Variants in NARS2 observed in about 807,000 individuals in gnomAD.
The protein encoded by NARS2 is asparaginyl-tRNA synthetase.
In NARS2, 60 loss-of-function variants were observed where a neutral mutation model predicts 62.9. The ratio of observed to expected loss-of-function variants is 0.95; its 90% confidence interval spans 0.77 to 1.18. The LOEUF is 1.18. Among genes scored for constraint, NARS2 ranks in the 50% most tolerant of loss-of-function variants. The pLI is 0.00. For synonymous variants in NARS2, 196 were observed against 200.0 expected (o/e 0.98, Z 0.17); for missense variants, 619 against 576.4 (o/e 1.07, Z -0.76).
At chr11:78,534,267 C>G (rs1276275912) in intron 5 of NARS2, among the ~76,000 whole-genome samples, 3 of 152,200 alleles carry the variant, frequency 2.0e-5, no homozygotes, top group African/African-American at 4.8e-5. Context: ...ATCTGCTGCT[C>G]CACATCCTTG....
intron 7 of NARS2, among the ~76,000 whole-genome samples, chr11:78,479,410 G>A (rs1591180195): frequency 6.6e-6 from 1 of 152,148 alleles, no homozygotes; most frequent in African/African-American, 2.4e-5. Context: ...TCAGGAGGCT[G>A]AGTTGGGAGG....
chr11:78,486,815 G>C (rs905011534), intron 7 of NARS2, among the ~76,000 whole-genome samples: 2 of 152,098 alleles, frequency 1.3e-5, no homozygotes, highest in Non-Finnish European at 2.9e-5. Flanking sequence ...GGAATTATCT[G>C]ACAATTTGAT....
intron 3 of NARS2, among the ~76,000 whole-genome samples, chr11:78,567,039 T>C (rs576572147): frequency 6.6e-6 from 1 of 152,280 alleles, no homozygotes; most frequent in African/African-American, 2.4e-5. Flanking sequence ...AAAGTGAAAA[T>C]GTGACCATAT....
intron 5 of NARS2, among the ~76,000 whole-genome samples, chr11:78,544,795 CAAAAAAAAAAA>C (rs35180232): frequency 4.7e-5 from 3 of 63,260 alleles, no homozygotes; most frequent in African/African-American, 1.2e-4. Flanking sequence ...CTCCGTCTCA[CAAAAAAAAAAA>C]AAAAAAAAAA....
At position 78,486,194 on chromosome 11, in the gene NARS2, T is replaced by C. The variant is rs534480151; in HGVS notation, c.822+6869A>G. On this transcript the variant is annotated intron_variant, in intron 7 of 13. Coordinates refer to ENST00000281038, the MANE Select transcript of NARS2 (RefSeq NM_024678.6). ...CCAGCCTATTATTTTTTTTTAAATA[T>C]TTTCTCTTGTCAGTTAGACCCAATG... Among the ~76,000 whole-genome samples, 3 of 152,096 alleles carry C rather than the reference T, an allele frequency of 2.0e-5. No homozygotes were observed. The South Asian group carries it at 6.2e-4, about 32-fold the overall frequency.
chr11:78,548,742 G>T (rs562165547), intron 5 of NARS2, among the ~76,000 whole-genome samples: 8 of 152,100 alleles, frequency 5.3e-5, no homozygotes, highest in Non-Finnish European at 1.2e-4. Flanking sequence ...ACATGACAGT[G>T]TGGGGAGCTC....
chr11:78,525,620 T>C (rs543713992), intron 6 of NARS2, among the ~76,000 whole-genome samples: 2 of 152,136 alleles, frequency 1.3e-5, no homozygotes, highest in African/African-American at 4.8e-5. Context: ...AATTTTCATA[T>C]AGAATTCCAA....
intron 5 of NARS2, among the ~76,000 whole-genome samples, chr11:78,547,814 G>C (rs1407779192): frequency 1.3e-5 from 2 of 152,184 alleles, no homozygotes; most frequent in Non-Finnish European, 2.9e-5. Flanking sequence ...AAGTATTTAA[G>C]TGTTCCAGGT....
intron 11 of NARS2, among the ~76,000 whole-genome samples, chr11:78,449,658 C>T (rs185941765): frequency 4.9e-4 from 75 of 152,178 alleles, no homozygotes; most frequent in African/African-American, 1.6e-3. Flanking sequence ...AACCAGGTTT[C>T]TCAATCTCAA....
At chr11:78,547,657 A>C (rs757822651) in intron 5 of NARS2, among the ~76,000 whole-genome samples, 17 of 152,024 alleles carry the variant, frequency 1.1e-4, no homozygotes, top group Admixed American at 3.3e-4. Context: ...AAATGGCAAA[A>C]CTCTGACTCT....
At chr11:78,547,685 T>C (rs1026902944) in intron 5 of NARS2, among the ~76,000 whole-genome samples, 7 of 152,140 alleles carry the variant, frequency 4.6e-5, no homozygotes, top group African/African-American at 1.7e-4. Context: ...ACACAAAAAT[T>C]AGCTGGGTGT....
rs188340127 is a variant in NARS2, at chr11:78,443,243, G to A, written c.1262+418C>T. ...TGGGAGGCTGAGGCAGGAGAATGGC[G>A]TGAACCCCGGGAGGCAGAGCTTGCA... On this transcript the variant is annotated intron_variant, in intron 12 of 13. Coordinates refer to ENST00000281038, the MANE Select transcript of NARS2 (RefSeq NM_024678.6). Among the ~76,000 whole-genome samples the A allele has an allele frequency of 5.1e-3, 770 of 150,854 alleles. 4 individuals are homozygous for A. Among genetic ancestry groups the A allele is most frequent in the African/African-American group, 0.018 (741 of 40,886 alleles).
intron 5 of NARS2, among the ~76,000 whole-genome samples, chr11:78,543,555 T>C (rs1448826591): frequency 6.6e-6 from 1 of 152,126 alleles, no homozygotes. Context: ...TAATTAGCAA[T>C]GGAAATAACC....
intron 11 of NARS2, among the ~76,000 whole-genome samples, chr11:78,447,841 G>A (rs1857816661): frequency 6.6e-6 from 1 of 152,124 alleles, no homozygotes; most frequent in African/African-American, 2.4e-5. Context: ...ACCAGAGGCT[G>A]GAGTGGGAAG....
At chr11:78,574,271 T>C in intron 1 of NARS2, 77 bp downstream of exon 1, 1 of 1,589,052 alleles carries the variant, frequency 6.3e-7, no homozygotes, top group South Asian at 1.1e-5. Context: ...GACCCGACTG[T>C]AAAAGAAAAG....
chr11:78,574,816 C>A lies in NARS2; in HGVS notation c.-328G>T, dbSNP rs1327161254. The A allele has an allele frequency of 6.7e-6, 2 of 298,688 alleles. No homozygotes were observed. The highest frequency in any genetic ancestry group is 1.3e-5 in the Non-Finnish European group (2 of 158,692). The allele number at this position is 298,688 out of a possible 1,614,324, so 18.5% of individuals were successfully genotyped here. On this transcript the variant is annotated 5_prime_UTR_variant, in exon 1 of 14. Coordinates refer to ENST00000281038, the MANE Select transcript of NARS2 (RefSeq NM_024678.6). ...AACAGAACCCGGGCCGCAACACGCGCAACCACTCCTACCACACCACGCCAA... is the reference window on the plus strand; with the variant it reads ...AACAGAACCCGGGCCGCAACACGCGAAACCACTCCTACCACACCACGCCAA...
chr11:78,500,884 G>A (rs1054929083), intron 6 of NARS2, among the ~76,000 whole-genome samples: 3 of 152,152 alleles, frequency 2.0e-5, no homozygotes, highest in African/African-American at 7.2e-5. Context: ...TTTGAGGGCA[G>A]GATTTGAGAC....
chr11:78,531,468 A>T (rs1430259059), intron 5 of NARS2, among the ~76,000 whole-genome samples: 2 of 152,224 alleles, frequency 1.3e-5, no homozygotes, highest in African/African-American at 4.8e-5. Context: ...AAAAAGTTAA[A>T]ATTGAGTTAC....
At chr11:78,561,149 C>T (rs1368338703) in intron 4 of NARS2, among the ~76,000 whole-genome samples, 1 of 152,048 alleles carries the variant, frequency 6.6e-6, no homozygotes, top group Non-Finnish European at 1.5e-5. Context: ...TTAACTAATG[C>T]TAAACATTAC....
Sources: gnomAD v4.1 joint callset for allele counts (sites outside exome capture counted in the v4.1 genomes callset) on GRCh38, gnomAD v4.1.1 for gene constraint, MANE v1.5 for transcripts, NCBI Gene and HGNC (gene_info 2026-07-23, HGNC 2026-07-21) for gene names.